INTS14: variants seen among roughly 807,000 people sequenced by gnomAD.
The protein encoded by INTS14 is integrator complex subunit 14.
Under a neutral mutation model 56.9 loss-of-function variants are expected in INTS14, and 27 were observed. That is an observed-to-expected ratio of 0.47 (90% confidence interval 0.35 to 0.65). INTS14 has a LOEUF of 0.65. Ranked by LOEUF, INTS14 falls within the 30% of genes least tolerant of loss-of-function variation. INTS14 has a pLI of 0.00. For missense variants in INTS14, 517 were observed against 632.2 expected, an observed-to-expected ratio of 0.82 and a Z score of 1.95; for synonymous variants, 207 against 236.2, an observed-to-expected ratio of 0.88 and a Z score of 1.13.
chr15:65,582,258 C>T (rs1479705877), intron 10 of INTS14, among the ~76,000 whole-genome samples: 3 of 152,062 alleles, frequency 2.0e-5, no homozygotes, highest in African/African-American at 7.2e-5. Flanking sequence ...TAAAAATGTA[C>T]CCAGTAAACC....
chr15:65,606,897 T>A (rs1002172153), intron 2 of INTS14, among the ~76,000 whole-genome samples: 1 of 152,164 alleles, frequency 6.6e-6, no homozygotes, highest in Admixed American at 6.5e-5. Flanking sequence ...CATCCTGAGA[T>A]GCTCACTTTT....
rs1318307045 is a variant in INTS14 at position 65,598,975 on chromosome 15, A to G, written c.502T>C (p.Ser168Pro). 1 of 1,613,682 alleles carries G rather than the reference A, an allele frequency of 6.2e-7. No individual in the cohort carries two copies. Among genetic ancestry groups the G allele is most frequent in the South Asian group, 1.1e-5 (1 of 90,970 alleles). ...ATGAGACGTTCAAGGCATTCCAAGG[A>G]ATCGGTGCTCTGGAGCTATAAAGCA... ...ANLEELQSTD[S>P]LECLERLIDL... is the part of the protein sequence containing the mutation. The change falls in exon 5 of 12, where the codon TCC becomes CCC. Residue 168 changes from serine to proline, a missense_variant. Transcript: ENST00000313182.
At chr15:65,597,149 C>T (rs576899097) in intron 6 of INTS14, among the ~76,000 whole-genome samples, 1 of 152,290 alleles carries the variant, frequency 6.6e-6, no homozygotes, top group South Asian at 2.1e-4. Flanking sequence ...TAATGTACTA[C>T]TGTCTAGTCA....
rs138664815 is a variant in INTS14, at chr15:65,590,490, C to T, written c.1120+1108G>A. On this transcript the variant is annotated intron_variant, in intron 9 of 11. Coordinates refer to ENST00000313182, the MANE Select transcript of INTS14 (RefSeq NM_001394796.1). ...TCCAATCTACCATCTGCCCCTCCCA[C>T]ACCCACTCTCACATTTTGTGCCACA... 7.5e-4 allele frequency among the ~76,000 whole-genome samples: 115 copies of T among 152,366 alleles called. 3 individuals carry two copies. In the East Asian group the frequency reaches 0.02, roughly 27 times the overall value.
chr15:65,583,941 A>C (rs1310165243), intron 10 of INTS14, among the ~76,000 whole-genome samples: 1 of 152,178 alleles, frequency 6.6e-6, no homozygotes, highest in Non-Finnish European at 1.5e-5. Context: ...GAGACTGTGC[A>C]GTCAACAGAA....
intron 3 of INTS14, among the ~76,000 whole-genome samples, chr15:65,601,329 A>G (rs1446322655): frequency 6.6e-6 from 1 of 152,092 alleles, no homozygotes. Flanking sequence ...TAACTTGATA[A>G]CAATAGGCCA....
At chr15:65,610,891 C>T in intron 1 of INTS14, 2 of 1,487,500 alleles carry the variant, frequency 1.3e-6, no homozygotes, top group South Asian at 1.3e-5. Context: ...GTGCAGTTTA[C>T]GCGGAGCTGG....
intron 3 of INTS14, among the ~76,000 whole-genome samples, chr15:65,601,774 C>T (rs1416858976): frequency 6.6e-6 from 1 of 152,236 alleles, no homozygotes; most frequent in Non-Finnish European, 1.5e-5. Context: ...GACTACAAGG[C>T]AATTTCCTTT....
chr15:65,603,585 A>C (rs1377203761), intron 3 of INTS14, among the ~76,000 whole-genome samples: 2 of 151,696 alleles, frequency 1.3e-5, no homozygotes, highest in East Asian at 3.9e-4. Context: ...TGCTAGGATT[A>C]TAGGTGTGAG....
intron 1 of INTS14, chr15:65,610,704 G>A (rs2073889770): frequency 6.5e-7 from 1 of 1,535,564 alleles, no homozygotes; most frequent in Admixed American, 2.0e-5. Context: ...TGGCTTTCCC[G>A]TCAGCCTCCG....
intron 11 of INTS14, among the ~76,000 whole-genome samples, chr15:65,581,441 A>G (rs374450768): frequency 1.1e-5 from 1 of 94,796 alleles, no homozygotes; most frequent in South Asian, 2.9e-4. Context: ...CTAGCTACTC[A>G]GGAGGCTGAG....
chr15:65,595,668 C>T (rs573051692), intron 7 of INTS14, 65 bp downstream of exon 7: 1 of 1,338,064 alleles, frequency 7.5e-7, no homozygotes, highest in African/African-American at 1.5e-5. Context: ...ATCCTACTAT[C>T]TAAGATTTAA....
chr15:65,598,583 G>A, intron 5 of INTS14, 120 bp from the exon 6 acceptor site: 1 of 1,063,504 alleles, frequency 9.4e-7, no homozygotes, highest in Non-Finnish European at 1.3e-6. Flanking sequence ...CTGACCATCT[G>A]TAAAACAGAA....
chr15:65,595,837 G>A lies in INTS14; in HGVS notation c.749-12C>T. 1.3e-6 allele frequency: 2 copies of A among 1,561,938 alleles called. No individual in the cohort carries two copies. The highest frequency in any genetic ancestry group is 1.7e-4 in the Middle Eastern group (1 of 5,956). On this transcript the variant is annotated splice_polypyrimidine_tract_variant and intron_variant, in intron 6 of 11. Coordinates refer to ENST00000313182, the MANE Select transcript of INTS14 (RefSeq NM_001394796.1). ...CACTATTTCCAAATCTGAAATGAAG[G>A]AATCAACACAGAATTAATTCATTCT...
chr15:65,593,041 G>T (rs2073083692), intron 8 of INTS14, among the ~76,000 whole-genome samples: 1 of 151,490 alleles, frequency 6.6e-6, no homozygotes, highest in Admixed American at 6.6e-5. Context: ...GGATCCTTGA[G>T]CCCAGGAGTT....
intron 11 of INTS14, among the ~76,000 whole-genome samples, chr15:65,579,990 CCT>C (rs749941225): frequency 5.9e-5 from 9 of 152,240 alleles, no homozygotes; most frequent in African/African-American, 1.9e-4. Context: ...GTACTTTTCC[CCT>C]GTTATTTAGG....
At chr15:65,600,710 C>T (rs1042873872) in intron 3 of INTS14, among the ~76,000 whole-genome samples, 2 of 151,866 alleles carry the variant, frequency 1.3e-5, no homozygotes, top group Non-Finnish European at 2.9e-5. Context: ...TGCTAGAACC[C>T]CACTCCACAT....
In INTS14 at chr15:65,578,880, G is replaced by C. The variant is rs2072462174; in HGVS notation, c.*528C>G. The C allele has an allele frequency of 6.6e-6, 1 of 152,156 alleles. No individual in the cohort carries two copies. The highest frequency in any genetic ancestry group is 1.5e-5 in the Non-Finnish European group (1 of 68,096). The allele number at this position is 152,156 out of a possible 1,614,324, so 9.4% of individuals were successfully genotyped here. ...TGCTCTTTAAAAGTTAGAATCTCAA[G>C]AGATACCAAAAGCACTTAAGAGTTA... On this transcript the variant is annotated 3_prime_UTR_variant, in exon 12 of 12. Transcript: ENST00000313182.
Position 65,584,833 on chromosome 15 carries a change from C to T in INTS14, c.1176G>A (p.Gln392=), listed in dbSNP as rs549516107. 1 of 1,613,474 alleles carries T rather than the reference C, an allele frequency of 6.2e-7. No individual in the cohort carries two copies. Among genetic ancestry groups the T allele is most frequent in the African/African-American group, 1.3e-5 (1 of 74,994 alleles). ...GGGCATAACTGCGTTTGTTTTTGGG[C>T]TGCAGGGGGAATGGACTCTTATTGT... is the stretch of plus-strand genomic sequence containing the variant. ...EDDNKSPFPL[Q]PKNKRSYAQN... is the part of the protein sequence containing the mutation. Residue 392 remains glutamine (Q), a synonymous_variant, in exon 10 of 12, where the codon CAG becomes CAA. Transcript: ENST00000313182.
Sources: gnomAD v4.1 joint callset for allele counts (sites outside exome capture counted in the v4.1 genomes callset) on GRCh38, gnomAD v4.1.1 for gene constraint, MANE v1.5 for transcripts, NCBI Gene and HGNC (gene_info 2026-07-23, HGNC 2026-07-21) for gene names.